Variants in FAAH2 observed in about 807,000 individuals in gnomAD.
FAAH2 encodes fatty-acid amide hydrolase 2.
FAAH2 carries 60 observed loss-of-function variants against 36.9 expected under a neutral mutation model. The observed-to-expected ratio is 1.63, with a 90% confidence interval of 1.32 to 2.02. The LOEUF (loss-of-function observed/expected upper bound fraction) is 2.02. Ranked by LOEUF, FAAH2 falls within the 30% of genes most tolerant of loss-of-function variation. The pLI is 0.00. For synonymous variants in FAAH2, 214 were observed against 143.8 expected (o/e 1.49, Z -3.49); for missense variants, 689 against 397.5 (o/e 1.73, Z -6.23).
At chrX:57,464,963 G>C (rs751802227) in intron 10 of FAAH2, among the ~76,000 whole-genome samples, 2 of 111,653 alleles carry the variant, frequency 1.8e-5, no homozygotes, top group African/African-American at 6.5e-5. Context: ...AGGATATTCA[G>C]ACAACTAAAG....
At chrX:57,352,097 T>C (rs202034536) in intron 5 of FAAH2, among the ~76,000 whole-genome samples, 31 of 970 alleles carry the variant, frequency 0.032, no homozygotes, top group African/African-American at 0.043. Context: ...TATATGCACA[T>C]ATATATATAT....
chrX:57,153,229 A>T, the FAAH2 span, among the ~76,000 whole-genome samples: 3 of 111,859 alleles, frequency 2.7e-5, no homozygotes, highest in East Asian at 2.8e-4. Context: ...ATCTTTTTCC[A>T]TGCCTTTACC....
the FAAH2 span, among the ~76,000 whole-genome samples, chrX:57,149,614 C>A: frequency 6.9e-3 from 767 of 111,264 alleles, 8 homozygotes; most frequent in South Asian, 0.02. Flanking sequence ...TCCCCTTTGT[C>A]ATTTTTTATT....
rs755087182 is a variant in FAAH2, at chrX:57,434,741, T to C, written c.1116+2704T>C. 7.2e-5 allele frequency among the ~76,000 whole-genome samples: 8 copies of C among 111,536 alleles called. No individual in the cohort carries two copies. In the South Asian group the frequency reaches 3.0e-3, roughly 42 times the overall value. ...TTTAAGAAAATTATTTATGGAAGCATCTCAAGTGTAGCAAGAGATTTAGAC... is the reference window on the plus strand; with the variant it reads ...TTTAAGAAAATTATTTATGGAAGCACCTCAAGTGTAGCAAGAGATTTAGAC... On this transcript the variant is annotated intron_variant, in intron 8 of 10. Transcript: ENST00000374900.
chrX:57,217,612 G>T, the FAAH2 span, among the ~76,000 whole-genome samples: 1 of 111,557 alleles, frequency 9.0e-6, no homozygotes, highest in Non-Finnish European at 1.9e-5. Context: ...GTTTATTTCT[G>T]GGTTCTTATT....
intron 7 of FAAH2, chrX:57,394,226 A>C: frequency 4.3e-6 from 3 of 695,282 alleles, no homozygotes; most frequent in Non-Finnish European, 7.1e-6. Context: ...TCGCACACAC[A>C]TAAAAAAGTT....
the FAAH2 span, among the ~76,000 whole-genome samples, chrX:57,214,379 G>C: frequency 8.9e-6 from 1 of 111,748 alleles, no homozygotes; most frequent in African/African-American, 3.3e-5. Context: ...TCTCTATTCT[G>C]CCTCTGTCAA....
chrX:57,345,985 G>A (rs1049639630), intron 5 of FAAH2, among the ~76,000 whole-genome samples: 9 of 111,418 alleles, frequency 8.1e-5, no homozygotes, highest in Non-Finnish European at 1.5e-4. Context: ...TGATCCAAGA[G>A]TGTGTTTGGT....
the FAAH2 span, among the ~76,000 whole-genome samples, chrX:57,251,262 C>A: frequency 2.7e-5 from 3 of 111,990 alleles, no homozygotes; most frequent in Non-Finnish European, 5.6e-5. Context: ...ATATGATTAT[C>A]TTAATAGATG....
At chrX:57,462,610 G>A (rs928861663) in intron 10 of FAAH2, among the ~76,000 whole-genome samples, 41 of 111,825 alleles carry the variant, frequency 3.7e-4, no homozygotes, top group African/African-American at 1.1e-3. Context: ...ATTAAACACC[G>A]CTTCATTCTA....
At chrX:57,317,211 C>T (rs1446319352) in intron 3 of FAAH2, among the ~76,000 whole-genome samples, 1 of 112,227 alleles carries the variant, frequency 8.9e-6, no homozygotes, top group Non-Finnish European at 1.9e-5. Context: ...AATTAAAAGA[C>T]ACAGACTGGC....
At chrX:57,325,333 T>G (rs764372826) in intron 3 of FAAH2, among the ~76,000 whole-genome samples, 108 of 111,522 alleles carry the variant, frequency 9.7e-4, no homozygotes, top group Middle Eastern at 9.3e-3. Context: ...GGCTTTGGTA[T>G]CAGGATGATG....
upstream of FAAH2, among the ~76,000 whole-genome samples, chrX:57,282,576 A>T (rs891905694): frequency 8.9e-6 from 1 of 111,885 alleles, no homozygotes; most frequent in Non-Finnish European, 1.9e-5. Context: ...GTGTAATATG[A>T]GTATAATCAG....
At chrX:57,257,507 C>T in the FAAH2 span, among the ~76,000 whole-genome samples, 4 of 109,261 alleles carry the variant, frequency 3.7e-5, no homozygotes, top group Non-Finnish European at 7.6e-5. Flanking sequence ...AACACATGGA[C>T]ACAGGGAGAG....
At chrX:57,213,620 A>G in the FAAH2 span, among the ~76,000 whole-genome samples, 3 of 111,404 alleles carry the variant, frequency 2.7e-5, no homozygotes, top group African/African-American at 6.5e-5. Context: ...TTTAATTTCT[A>G]TGTGTTTGTA....
chrX:57,460,314 T>G (rs2147213894), intron 10 of FAAH2, among the ~76,000 whole-genome samples: 1 of 110,841 alleles, frequency 9.0e-6, no homozygotes, highest in South Asian at 3.9e-4. Flanking sequence ...AGAATACCAC[T>G]AAGGTACTCC....
the FAAH2 span, among the ~76,000 whole-genome samples, chrX:57,254,752 A>G: frequency 8.9e-6 from 1 of 111,988 alleles, no homozygotes; most frequent in Non-Finnish European, 1.9e-5. Flanking sequence ...ACATACCAGA[A>G]TCTCTGGGGC....
chrX:57,444,202 C>G (rs1251075805), intron 8 of FAAH2, among the ~76,000 whole-genome samples: 1 of 112,447 alleles, frequency 8.9e-6, no homozygotes, highest in Admixed American at 9.4e-5. Context: ...TGCCCTGCCC[C>G]AGAGGTGGAG....
rs1264597703 is a variant in FAAH2 at position 57,394,597 on chromosome X, GA to G, written c.996+13569del. The G allele has an allele frequency of 6.0e-6, 7 of 1,170,198 alleles. No individual in the cohort carries two copies. The Admixed American group carries it at 8.8e-5, about 15-fold the overall frequency. On this transcript the variant is annotated intron_variant, in intron 7 of 10. Coordinates refer to ENST00000374900, the MANE Select transcript of FAAH2 (RefSeq NM_174912.4). ...TGGCACTCTCTACAGTGCTCTGCAT[GA>G]GCATTGCAACCGTCATGAGCCCTAA...
Sources: gnomAD v4.1 joint callset for allele counts (sites outside exome capture counted in the v4.1 genomes callset) on GRCh38, gnomAD v4.1.1 for gene constraint, MANE v1.5 for transcripts, NCBI Gene and HGNC (gene_info 2026-07-23, HGNC 2026-07-21) for gene names.